CUX1: variants seen among roughly 807,000 people sequenced by gnomAD.
CUX1 encodes the protein protein CASP.
CUX1 carries 31 observed loss-of-function variants against 158.8 expected under a neutral mutation model. The observed-to-expected ratio is 0.20, with a 90% CI of 0.15 to 0.26. The LOEUF (loss-of-function observed/expected upper bound fraction) is 0.26. Among genes scored for constraint, CUX1 ranks in the 10% least tolerant of loss-of-function variants. The pLI is 1.00. For synonymous variants in CUX1, 879 were observed against 862.1 expected (o/e 1.02, Z -0.34); for missense variants, 1,589 against 2,014.6 (o/e 0.79, Z 4.04).
At chr7:102,229,564 G>A (rs984465302) in intron 21 of CUX1, among the ~76,000 whole-genome samples, 7 of 150,256 alleles carry the variant, frequency 4.7e-5, no homozygotes, top group Admixed American at 4.0e-4. Context: ...CACCCACCTC[G>A]GCCTCCCAAA....
At chr7:101,875,227 T>C (rs771157201) in intron 1 of CUX1, among the ~76,000 whole-genome samples, 11 of 152,300 alleles carry the variant, frequency 7.2e-5, no homozygotes, top group Non-Finnish European at 1.6e-4. Context: ...ACCTCTCTGA[T>C]GTCAGTTTGC....
chr7:102,072,555 G>T (rs1401555533), intron 4 of CUX1, among the ~76,000 whole-genome samples: 2 of 152,262 alleles, frequency 1.3e-5, no homozygotes, highest in African/African-American at 4.8e-5. Flanking sequence ...GTTGCAGAAA[G>T]CAACTAATCA....
chr7:101,988,073 G>A (rs981552631), intron 2 of CUX1, among the ~76,000 whole-genome samples: 1 of 152,112 alleles, frequency 6.6e-6, no homozygotes, highest in African/African-American at 2.4e-5. Flanking sequence ...TTAGCTGGGC[G>A]TGGTGGCGCA....
chr7:102,080,403 C>T (rs1554478211), intron 4 of CUX1, among the ~76,000 whole-genome samples: 1 of 152,162 alleles, frequency 6.6e-6, no homozygotes, highest in Non-Finnish European at 1.5e-5. Context: ...CTTAATGAGA[C>T]AGCTGGGTTA....
At chr7:102,088,449 A>G (rs1828173648) in intron 4 of CUX1, among the ~76,000 whole-genome samples, 1 of 151,730 alleles carries the variant, frequency 6.6e-6, no homozygotes, top group Admixed American at 6.6e-5. Flanking sequence ...CCTGGCCAAT[A>G]TGGTTAAAGC....
At chr7:102,020,105 C>G (rs17134991) in intron 2 of CUX1, among the ~76,000 whole-genome samples, 1,579 of 152,298 alleles carry the variant, frequency 0.01, 28 homozygotes, top group African/African-American at 0.036. Flanking sequence ...GAATTTTTCT[C>G]AAACCTGTGA....
At chr7:101,905,996 T>C (rs1209983985) in intron 1 of CUX1, among the ~76,000 whole-genome samples, 1 of 151,910 alleles carries the variant, frequency 6.6e-6, no homozygotes, top group African/African-American at 2.4e-5. Flanking sequence ...CTAACTTTTT[T>C]TTTTTTTTCT....
In CUX1 at chr7:102,103,432, T is replaced by TCA. The variant is rs1181376717; in HGVS notation, c.407-903_407-902insAC. Among the ~76,000 whole-genome samples the TCA allele has an allele frequency of 2.4e-3, 352 of 148,454 alleles. 1 individual carries two copies. Among genetic ancestry groups the TCA allele is most frequent in the African/African-American group, 8.5e-3 (342 of 40,238 alleles). On this transcript the variant is annotated intron_variant, in intron 5 of 23. Transcript: ENST00000292535. ...TGCTCTCCGTTTCTCTCTCTCTCTC[T>TCA]CTCACTCACTCACTCACTCACTCAC...
chr7:101,850,126 C>T (rs1222891130), intron 1 of CUX1, among the ~76,000 whole-genome samples: 1 of 151,686 alleles, frequency 6.6e-6, no homozygotes, highest in Non-Finnish European at 1.5e-5. Flanking sequence ...GTTTCACCAT[C>T]TTGGCCAGGC....
rs1554520020 is a variant in CUX1 at position 102,202,099 on chromosome 7, G to A, written c.2802G>A (p.Gln934=). The change falls in exon 18 of 24, where the codon CAG becomes CAA. Residue 934 remains glutamine (Q), a synonymous_variant. Coordinates refer to ENST00000292535, the MANE Select transcript of CUX1 (RefSeq NM_181552.4). ...KPSVPPLTPE[Q]YEVYMYQEVD... ...CGGTCCCCCCGCTGACCCCCGAGCA[G>A]TACGAGGTCTACATGTACCAGGAGG... The A allele has an allele frequency of 6.2e-7, 1 of 1,614,150 alleles. No homozygotes were observed.
At chr7:102,076,441 A>G (rs984232371) in intron 4 of CUX1, among the ~76,000 whole-genome samples, 4 of 152,122 alleles carry the variant, frequency 2.6e-5, no homozygotes, top group Non-Finnish European at 5.9e-5. Context: ...ATACAGTAGC[A>G]TTGAACCCTC....
At chr7:102,216,534 C>A (rs199828279) in intron 20 of CUX1, among the ~76,000 whole-genome samples, 14,017 of 80,808 alleles carry the variant, frequency 0.17, 1,313 homozygotes, top group Middle Eastern at 0.25. Context: ...ACTCTCCCCC[C>A]CACACACACA....
chr7:101,872,808 T>C (rs1798712830), intron 1 of CUX1, among the ~76,000 whole-genome samples: 1 of 152,206 alleles, frequency 6.6e-6, no homozygotes, highest in African/African-American at 2.4e-5. Context: ...TTTATTTATT[T>C]ACTTAGTTTT....
intron 23 of CUX1, among the ~76,000 whole-genome samples, chr7:102,247,773 A>G (rs1381730203): frequency 2.6e-5 from 4 of 152,210 alleles, no homozygotes; most frequent in Non-Finnish European, 5.9e-5. Context: ...GTGAGCTGTG[A>G]TGGCACCACT....
At chr7:102,219,807 C>T (rs1256842596) in intron 20 of CUX1, among the ~76,000 whole-genome samples, 1 of 152,180 alleles carries the variant, frequency 6.6e-6, no homozygotes, top group Admixed American at 6.5e-5. Context: ...AGTCAAGATG[C>T]CAGTCTTACT....
intron 2 of CUX1, among the ~76,000 whole-genome samples, chr7:101,968,809 T>C (rs1811564166): frequency 6.6e-6 from 1 of 152,090 alleles, no homozygotes; most frequent in Non-Finnish European, 1.5e-5. Context: ...GAGAGGACTG[T>C]GCTGTGGAGG....
chr7:101,827,244 C>CCTTCT (rs538996031), intron 1 of CUX1, among the ~76,000 whole-genome samples: 22,747 of 129,580 alleles, frequency 0.18, 2,201 homozygotes, highest in Admixed American at 0.24. Context: ...CCCCTCCCCT[C>CCTTCT]CTTCTCTTCT....
intron 4 of CUX1, among the ~76,000 whole-genome samples, chr7:102,096,977 C>T (rs987484390): frequency 6.6e-6 from 1 of 152,366 alleles, no homozygotes; most frequent in East Asian, 1.9e-4. Flanking sequence ...CACCTGTCCA[C>T]GGACTTGTCC....
Position 102,151,166 on chromosome 7 carries a change from G to A in CUX1, c.675-7394G>A, listed in dbSNP as rs147196923. On this transcript the variant is annotated intron_variant, in intron 8 of 23. Transcript: ENST00000292535. ...TTACAGTTGTGGTATTAACCCCTGGGCATTTTTGTATTACTTATTGCAGAC... is the reference window on the plus strand; with the variant it reads ...TTACAGTTGTGGTATTAACCCCTGGACATTTTTGTATTACTTATTGCAGAC... 3.4e-3 allele frequency among the ~76,000 whole-genome samples: 511 copies of A among 152,240 alleles called. 2 individuals are homozygous for A. The highest frequency in any genetic ancestry group is 0.011 in the African/African-American group (451 of 41,524).
Sources: allele counts gnomAD v4.1 joint callset (sites outside exome capture counted in the v4.1 genomes callset), GRCh38; gene constraint gnomAD v4.1.1; transcripts MANE v1.5; gene names NCBI Gene and HGNC (gene_info 2026-07-23, HGNC 2026-07-21).